ABLIM2: variants seen among roughly 807,000 people sequenced by gnomAD.
The protein encoded by ABLIM2 is actin binding LIM protein family member 2.
A neutral mutation model predicts 97.7 loss-of-function variants in ABLIM2; 53 were observed. That is an observed-to-expected ratio of 0.54 (90% CI 0.44 to 0.68). The LOEUF is 0.68. Ranked by LOEUF, ABLIM2 falls within the 30% of genes least tolerant of loss-of-function variation. The pLI is 0.00. For missense variants in ABLIM2, 835 were observed against 867.2 expected, an observed-to-expected ratio of 0.96 and a Z score of 0.47; for synonymous variants, 361 against 345.8, an observed-to-expected ratio of 1.04 and a Z score of -0.49.
Position 7,999,668 on chromosome 4 carries a change from A to G in ABLIM2, c.1619-6741T>C, listed in dbSNP as rs1219765413. Among the ~76,000 whole-genome samples the G allele has an allele frequency of 6.6e-6, 1 of 152,152 alleles. No individual in the cohort carries two copies. The highest frequency in any genetic ancestry group is 1.5e-5 in the Non-Finnish European group (1 of 68,036). ...TCAAGAGGCGGGGTGTGTGTAGTAC[A>G]GAGAGAGACCCACAGGGAGAAGGCA... On this transcript the variant is annotated intron_variant, in intron 16 of 20. Transcript: ENST00000447017. This position sits in a 1 kb window ranked among gnomAD's most constrained non-coding sequence, Gnocchi z 4.4.
rs527914427 is a variant in ABLIM2 at position 8,088,269 on chromosome 4, G to C, written c.354C>G (p.Pro118=). The C allele has an allele frequency of 3.1e-6, 5 of 1,607,490 alleles. No individual in the cohort carries two copies. Among genetic ancestry groups the C allele is most frequent in the Admixed American group, 3.4e-5 (2 of 59,690 alleles). The change falls in exon 4 of 21, where the codon CCC becomes CCG. Residue 118 remains proline (P), a synonymous_variant. Transcript: ENST00000447017. The part of the protein sequence containing the change: ...VCAVCRLPFP[P]GDRVTFNGKE... ...TCCCGTTGAAGGTCACTCGGTCCCC[G>C]GGGGGGAAGGGCAGCCTGAAACAAG...
intron 1 of ABLIM2, among the ~76,000 whole-genome samples, chr4:8,116,052 T>A (rs1842635116): frequency 6.6e-6 from 1 of 152,208 alleles, no homozygotes; most frequent in African/African-American, 2.4e-5. Context: ...GGCTCCCAGC[T>A]CTTGAGTCAC....
chr4:7,999,959 G>T lies in ABLIM2; in HGVS notation c.1619-7032C>A, dbSNP rs1021241553. ...TCAAAGTCACCGCTGGACATTCAAG[G>T]CCGGGCACCTTGTGGGCAGAGGACT... On this transcript the variant is annotated intron_variant, in intron 16 of 20. Coordinates refer to ENST00000447017, the MANE Select transcript of ABLIM2 (RefSeq NM_001130083.2). This position sits in a 1 kb window ranked among gnomAD's most constrained non-coding sequence, Gnocchi z 4.4. Among the ~76,000 whole-genome samples, 1 of 152,206 alleles carries T rather than the reference G, an allele frequency of 6.6e-6. No homozygotes were observed.
rs1820227908 is a variant in ABLIM2 at position 8,082,056 on chromosome 4, G to T, written c.455-1254C>A. On this transcript the variant is annotated intron_variant, in intron 4 of 20. Transcript: ENST00000447017. The surrounding 1 kb of genome is among the most constrained non-coding windows in gnomAD (Gnocchi z 5.6). Reference sequence around the variant, plus strand: ...GTGTCTGCGTGTGTTTAAGGGTGTGGTTGTGTGTTGGGGGCATGACAAGGG... The same window carrying T: ...GTGTCTGCGTGTGTTTAAGGGTGTGTTTGTGTGTTGGGGGCATGACAAGGG... Among the ~76,000 whole-genome samples, 1 of 152,268 alleles carries T rather than the reference G, an allele frequency of 6.6e-6. No individual in the cohort carries two copies. The highest frequency in any genetic ancestry group is 2.4e-5 in the African/African-American group (1 of 41,548).
At position 7,966,669 on chromosome 4, in the gene ABLIM2, C is replaced by T. The variant is rs964191484; in HGVS notation, c.*321G>A. 3 of 302,432 alleles carry T rather than the reference C, an allele frequency of 9.9e-6. No homozygotes were observed. The highest frequency in any genetic ancestry group is 6.4e-5 in the East Asian group (1 of 15,568). 18.7% of individuals were successfully genotyped at this position (302,432 alleles called of 1,614,324 possible). Reference sequence around the variant, plus strand: ...GTGCCCAGCACCGGGGCCAGGGCACCTCGAGAACGCTGGGAAGGTGGGCTG... The same window carrying T: ...GTGCCCAGCACCGGGGCCAGGGCACTTCGAGAACGCTGGGAAGGTGGGCTG... On this transcript the variant is annotated 3_prime_UTR_variant, in exon 21 of 21. Transcript: ENST00000447017.
intron 1 of ABLIM2, among the ~76,000 whole-genome samples, chr4:8,145,800 TG>T (rs1851707943): frequency 6.7e-6 from 1 of 148,264 alleles, no homozygotes; most frequent in South Asian, 2.1e-4. Context: ...GAGATCCCTG[TG>T]CTTGTAACAT....
intron 1 of ABLIM2, among the ~76,000 whole-genome samples, chr4:8,145,745 TACACACACACACACACACACACACACAC>T (rs34195989): frequency 7.2e-6 from 1 of 138,578 alleles, no homozygotes; most frequent in Non-Finnish European, 1.6e-5. Context: ...TACACACTCA[TACACACACACACACACACACACACACAC>T]ACACACACAC....
chr4:8,011,418 G>T (rs376798571), intron 14 of ABLIM2, among the ~76,000 whole-genome samples: 6 of 152,206 alleles, frequency 3.9e-5, no homozygotes, highest in Non-Finnish European at 8.8e-5. Flanking sequence ...GCTTGGGTAG[G>T]AAAAGACAGG....
chr4:8,137,538 C>T (rs1194563682), intron 1 of ABLIM2, among the ~76,000 whole-genome samples: 1 of 152,222 alleles, frequency 6.6e-6, no homozygotes, highest in Non-Finnish European at 1.5e-5. Context: ...GGGCCTGGCC[C>T]TCATGGGAGC....
At chr4:8,097,585 C>T (rs892034573) in intron 2 of ABLIM2, among the ~76,000 whole-genome samples, 3 of 152,214 alleles carry the variant, frequency 2.0e-5, no homozygotes, top group Non-Finnish European at 4.4e-5. Flanking sequence ...CGCTAGAGTG[C>T]CCCCAGCCTC....
At chr4:8,157,468 C>T (rs936354006) in intron 1 of ABLIM2, among the ~76,000 whole-genome samples, 3 of 152,242 alleles carry the variant, frequency 2.0e-5, no homozygotes, top group Non-Finnish European at 2.9e-5. Flanking sequence ...CCTCCCCAAC[C>T]GCCTGCCATT....
chr4:8,070,946 G>A (rs992809028), intron 6 of ABLIM2, among the ~76,000 whole-genome samples: 1 of 152,168 alleles, frequency 6.6e-6, no homozygotes, highest in Non-Finnish European at 1.5e-5. Context: ...GTTAACAGAG[G>A]GTGGGGCTGG....
intron 16 of ABLIM2, 132 bp downstream of exon 16, chr4:8,007,927 T>C: frequency 6.7e-6 from 10 of 1,486,210 alleles, no homozygotes; most frequent in Non-Finnish European, 8.9e-6. Flanking sequence ...GGTCCTTAGA[T>C]TTGTGGGCTT....
chr4:8,019,710 G>T lies in ABLIM2; in HGVS notation c.1370-39C>A. 1 of 1,570,460 alleles carries T rather than the reference G, an allele frequency of 6.4e-7. No homozygotes were observed. The highest frequency in any genetic ancestry group is 8.7e-7 in the Non-Finnish European group (1 of 1,143,984). ...AAGAAAAAAAAGGAGAGAACAGGAG[G>T]GTAAGCAGCAAGTTGTGATGGTTTC... On this transcript the variant is annotated intron_variant, in intron 13 of 20. Transcript: ENST00000447017. This position sits in a 1 kb window ranked among gnomAD's most constrained non-coding sequence, Gnocchi z 4.3.
chr4:7,985,458 G>T (rs993294830), intron 17 of ABLIM2, among the ~76,000 whole-genome samples: 2 of 152,234 alleles, frequency 1.3e-5, no homozygotes, highest in South Asian at 4.1e-4. Context: ...CTGGCACTGT[G>T]CACGGTTGTG....
intron 6 of ABLIM2, among the ~76,000 whole-genome samples, chr4:8,070,873 C>G (rs768907356): frequency 6.6e-6 from 1 of 152,058 alleles, no homozygotes; most frequent in Non-Finnish European, 1.5e-5. Context: ...TTCTTGTTAC[C>G]GGGGAGACGG....
intron 2 of ABLIM2, among the ~76,000 whole-genome samples, chr4:8,103,605 A>C (rs1243884759): frequency 6.6e-6 from 1 of 152,128 alleles, no homozygotes; most frequent in Non-Finnish European, 1.5e-5. Flanking sequence ...GTCACTAATC[A>C]TCTTGGGTGA....
At chr4:8,141,720 T>C (rs1214742512) in intron 1 of ABLIM2, among the ~76,000 whole-genome samples, 2 of 152,160 alleles carry the variant, frequency 1.3e-5, no homozygotes, top group Non-Finnish European at 2.9e-5. Context: ...AGGAGCAGGT[T>C]CACGTGCAGA....
At chr4:8,027,676 GC>G in intron 12 of ABLIM2, 82 bp downstream of exon 12, 1 of 1,144,978 alleles carries the variant, frequency 8.7e-7, no homozygotes. Flanking sequence ...GTGAAGCCAT[GC>G]GGCAGACATG....
Sources: allele counts gnomAD v4.1 joint callset (sites outside exome capture counted in the v4.1 genomes callset), GRCh38; gene constraint gnomAD v4.1.1; non-coding constraint Gnocchi (gnomAD v3.1); transcripts MANE v1.5; gene names NCBI Gene and HGNC (gene_info 2026-07-23, HGNC 2026-07-21).